Variants in MYO16 observed in about 807,000 individuals in gnomAD.
MYO16 encodes unconventional myosin-XVI.
MYO16 carries 94 observed loss-of-function variants against 205.3 expected under a neutral mutation model. That is an observed-to-expected ratio of 0.46 (90% CI 0.39 to 0.54). The LOEUF is 0.54. MYO16 is among the 20% of genes least tolerant of loss of function. The pLI, the probability that MYO16 is intolerant of heterozygous loss-of-function variation, is 0.00. For synonymous variants in MYO16, 988 were observed against 954.0 expected, an observed-to-expected ratio of 1.04 and a Z score of -0.66; for missense variants, 2,315 against 2,387.5, an observed-to-expected ratio of 0.97 and a Z score of 0.63.
the MYO16 span, among the ~76,000 whole-genome samples, chr13:108,497,727 A>C: frequency 2.6e-5 from 4 of 152,162 alleles, no homozygotes; most frequent in African/African-American, 9.7e-5. Context: ...AATACTATGA[A>C]GGTTTCTGCC....
intron 16 of MYO16, among the ~76,000 whole-genome samples, chr13:108,939,442 T>G (rs935368858): frequency 6.6e-6 from 1 of 152,194 alleles, no homozygotes; most frequent in Admixed American, 6.5e-5. Context: ...TGTTTGCTGG[T>G]ATCCTCCTCT....
chr13:108,733,925 C>T (rs1437649477), intron 4 of MYO16, among the ~76,000 whole-genome samples: 3 of 152,090 alleles, frequency 2.0e-5, no homozygotes, highest in East Asian at 1.9e-4. Context: ...GCCGAGATCG[C>T]GCCATTGCAC....
chr13:108,775,575 G>A (rs757605945), intron 4 of MYO16, among the ~76,000 whole-genome samples: 3 of 151,844 alleles, frequency 2.0e-5, no homozygotes, highest in South Asian at 2.1e-4. Context: ...TCCTAACCTC[G>A]TGGGTCATAT....
rs757387071 is a variant in MYO16, at chr13:109,008,928, A to G, written c.2474A>G (p.His825Arg). 1 of 1,613,102 alleles carries G rather than the reference A, an allele frequency of 6.2e-7. No individual in the cohort carries two copies. The highest frequency in any genetic ancestry group is 1.7e-4 in the Middle Eastern group (1 of 6,056). The change falls in exon 22 of 35, where the codon CAC becomes CGC. Residue 825 changes from histidine (H) to arginine (R), a missense_variant. Physicochemically the swap from His to Arg is conservative, Grantham distance 29 (BLOSUM62 0). Coordinates refer to ENST00000457511, the MANE Select transcript of MYO16 (RefSeq NM_001198950.3). ...LCVNMTNEKMHHYINEVLFLH... is the reference protein window; with the variant it reads ...LCVNMTNEKMRHYINEVLFLH... Reference sequence around the variant, plus strand: ...GTCAACATGACCAATGAGAAGATGCACCACTATATCAATGAAGTGCTTTTT... The same window carrying G: ...GTCAACATGACCAATGAGAAGATGCGCCACTATATCAATGAAGTGCTTTTT...
intron 4 of MYO16, among the ~76,000 whole-genome samples, chr13:108,730,331 C>A (rs377184582): frequency 5.9e-5 from 9 of 152,234 alleles, no homozygotes; most frequent in Middle Eastern, 3.4e-3. Context: ...TGAGGCCTCC[C>A]CAGCCATGCA....
chr13:108,914,501 C>A (rs755795119), intron 16 of MYO16, among the ~76,000 whole-genome samples: 1 of 152,058 alleles, frequency 6.6e-6, no homozygotes, highest in Non-Finnish European at 1.5e-5. Context: ...CCTTCAAATT[C>A]ATTCTCTCTC....
the MYO16 span, among the ~76,000 whole-genome samples, chr13:108,577,794 A>C: frequency 6.6e-6 from 1 of 152,214 alleles, no homozygotes; most frequent in Non-Finnish European, 1.5e-5. Context: ...AAGGTATTTT[A>C]AATGACTAAT....
intron 23 of MYO16, among the ~76,000 whole-genome samples, chr13:109,041,923 G>T (rs1886896660): frequency 6.6e-6 from 1 of 151,052 alleles, no homozygotes; most frequent in African/African-American, 2.4e-5. Flanking sequence ...GTGCAGTGGT[G>T]GCGTGATCTC....
intron 15 of MYO16, among the ~76,000 whole-genome samples, chr13:108,900,426 T>C (rs1208773105): frequency 1.3e-5 from 2 of 152,156 alleles, no homozygotes; most frequent in Non-Finnish European, 2.9e-5. Flanking sequence ...TTGCAGGAAG[T>C]CAGGGACCCC....
chr13:109,163,287 G>A (rs1426927087), intron 32 of MYO16, among the ~76,000 whole-genome samples: 2 of 152,162 alleles, frequency 1.3e-5, no homozygotes, highest in African/African-American at 2.4e-5. Context: ...GTGCACCAAA[G>A]CAAGAAAACA....
At chr13:108,583,190 A>G in the MYO16 span, among the ~76,000 whole-genome samples, 1 of 152,210 alleles carries the variant, frequency 6.6e-6, no homozygotes, top group African/African-American at 2.4e-5. Flanking sequence ...AAAATCAGCT[A>G]TGTAGAATTC....
upstream of MYO16, among the ~76,000 whole-genome samples, chr13:108,625,074 G>A (rs1879682765): frequency 6.6e-6 from 1 of 152,140 alleles, no homozygotes; most frequent in African/African-American, 2.4e-5. Flanking sequence ...GACATGGAGA[G>A]GGCAGTTCCT....
intron 14 of MYO16, among the ~76,000 whole-genome samples, chr13:108,894,108 G>A (rs1880299406): frequency 6.6e-6 from 1 of 152,204 alleles, no homozygotes; most frequent in African/African-American, 2.4e-5. Context: ...GATGGCAGGA[G>A]AGAGAGCATG....
At chr13:109,097,020 A>G (rs1888799469) in intron 27 of MYO16, among the ~76,000 whole-genome samples, 1 of 152,138 alleles carries the variant, frequency 6.6e-6, no homozygotes, top group South Asian at 2.1e-4. Context: ...AACCTAACCC[A>G]TGTTTGTTCA....
At chr13:108,882,284 C>T (rs1179578436) in intron 12 of MYO16, among the ~76,000 whole-genome samples, 1 of 152,150 alleles carries the variant, frequency 6.6e-6, no homozygotes, top group Non-Finnish European at 1.5e-5. Flanking sequence ...CCCATTGTCT[C>T]AGTAATGCCC....
chr13:108,888,369 T>C lies in MYO16; in HGVS notation c.1554-3T>C, dbSNP rs1324279636. ...TTATGTTTTTCCTCTCTGTTTTCCTTAGTGGAGAAAGGGGATCAGGAAAGT... is the reference window on the plus strand; with the variant it reads ...TTATGTTTTTCCTCTCTGTTTTCCTCAGTGGAGAAAGGGGATCAGGAAAGT... On this transcript the variant is annotated splice_polypyrimidine_tract_variant and splice_region_variant and intron_variant, in intron 13 of 34. Transcript: ENST00000457511. 6.3e-7 allele frequency: 1 copy of C among 1,581,624 alleles called. No homozygotes were observed. Among genetic ancestry groups the C allele is most frequent in the African/African-American group, 1.4e-5 (1 of 73,484 alleles).
the MYO16 span, among the ~76,000 whole-genome samples, chr13:108,582,667 A>C: frequency 1.3e-5 from 2 of 152,130 alleles, no homozygotes; most frequent in Non-Finnish European, 1.5e-5. Context: ...TCTTGAGAAG[A>C]CTGGATATAT....
intron 4 of MYO16, among the ~76,000 whole-genome samples, chr13:108,751,505 G>A (rs1885237830): frequency 1.3e-5 from 2 of 152,132 alleles, no homozygotes; most frequent in African/African-American, 4.8e-5. Flanking sequence ...TTCCAAATAA[G>A]TATGTAGCTT....
intron 2 of MYO16, among the ~76,000 whole-genome samples, chr13:108,673,017 T>G (rs985267580): frequency 7.2e-5 from 11 of 152,156 alleles, no homozygotes; most frequent in African/African-American, 2.7e-4. Flanking sequence ...CAATAACATA[T>G]GTAGTAGGTA....
Sources: gnomAD v4.1 joint callset for allele counts (sites outside exome capture counted in the v4.1 genomes callset) on GRCh38, gnomAD v4.1.1 for gene constraint, MANE v1.5 for transcripts, NCBI Gene and HGNC (gene_info 2026-07-23, HGNC 2026-07-21) for gene names.